PIK3C2A: variants seen among roughly 807,000 people sequenced by gnomAD.
The protein encoded by PIK3C2A is phosphatidylinositol 4-phosphate 3-kinase C2 domain-containing subunit alpha.
PIK3C2A carries 97 observed loss-of-function variants against 204.5 expected under a neutral mutation model. That is an observed-to-expected ratio of 0.47 (90% CI 0.40 to 0.56). The LOEUF (loss-of-function observed/expected upper bound fraction) is 0.56, where lower values mean the gene tolerates loss of function less well. PIK3C2A is among the 20% of genes least tolerant of loss of function. The probability of loss-of-function intolerance (pLI) is 0.00; values close to 1 mark genes in which losing one functional copy is unlikely to be tolerated. For synonymous variants in PIK3C2A, 653 were observed against 664.4 expected (o/e 0.98, Z 0.26); for missense variants, 1,735 against 1,969.2 (o/e 0.88, Z 2.25).
chr11:17,107,472 A>T (rs1446476987), intron 22 of PIK3C2A, among the ~76,000 whole-genome samples: 1 of 152,236 alleles, frequency 6.6e-6, no homozygotes, highest in Non-Finnish European at 1.5e-5. Context: ...GTGTTTGAAA[A>T]GAAGGATGGT....
At chr11:17,102,577 G>C in intron 24 of PIK3C2A, 85 bp downstream of exon 24, 1 of 1,090,230 alleles carries the variant, frequency 9.2e-7, no homozygotes, top group South Asian at 1.6e-5. Context: ...ATGGAGCCGC[G>C]AGGCAAAACA....
chr11:17,097,541 T>C (rs1271574237), intron 26 of PIK3C2A, among the ~76,000 whole-genome samples: 1 of 152,328 alleles, frequency 6.6e-6, no homozygotes, highest in African/African-American at 2.4e-5. Flanking sequence ...AGATGATGAT[T>C]GGTATAATGC....
intron 1 of PIK3C2A, among the ~76,000 whole-genome samples, chr11:17,192,685 G>A (rs1851983174): frequency 6.6e-6 from 1 of 152,196 alleles, no homozygotes; most frequent in African/African-American, 2.4e-5. Context: ...GATCTCAAGT[G>A]ATCTGCCCTC....
intron 1 of PIK3C2A, among the ~76,000 whole-genome samples, chr11:17,172,650 T>G (rs1851216243): frequency 6.6e-6 from 1 of 152,256 alleles, no homozygotes. Flanking sequence ...CTGTTTTAAC[T>G]TCCACCACCA....
rs147224842 is a variant in PIK3C2A at position 17,095,153 on chromosome 11, G to A, written c.4327-768C>T. ...AGCCCCAGCTACTTGGGAAGCTAAG[G>A]TGGGAGGATCAACTCAGCCCAGGTG... On this transcript the variant is annotated intron_variant, in intron 27 of 32. Transcript: ENST00000691414. 7.2e-5 allele frequency among the ~76,000 whole-genome samples: 11 copies of A among 152,242 alleles called. No individual in the cohort carries two copies. The South Asian group carries it at 1.2e-3, about 17-fold the overall frequency.
chr11:17,179,942 C>G (rs1851478112), intron 1 of PIK3C2A, among the ~76,000 whole-genome samples: 1 of 152,104 alleles, frequency 6.6e-6, no homozygotes, highest in Non-Finnish European at 1.5e-5. Context: ...ATCATGAAAA[C>G]AAGACAACAT....
intron 22 of PIK3C2A, among the ~76,000 whole-genome samples, chr11:17,107,870 T>C (rs890794589): frequency 1.4e-5 from 2 of 144,024 alleles, no homozygotes; most frequent in Non-Finnish European, 3.1e-5. Flanking sequence ...ATTTGGCTCC[T>C]TTTTTTCTGG....
intron 8 of PIK3C2A, among the ~76,000 whole-genome samples, chr11:17,145,443 T>C (rs1175813101): frequency 6.6e-6 from 1 of 152,160 alleles, no homozygotes; most frequent in Admixed American, 6.6e-5. Context: ...CATTCTCTCT[T>C]GCTGCCCTAT....
intron 22 of PIK3C2A, among the ~76,000 whole-genome samples, chr11:17,106,989 A>C (rs1848841605): frequency 1.3e-5 from 2 of 152,120 alleles, no homozygotes; most frequent in African/African-American, 4.8e-5. Context: ...TGGCTGAACA[A>C]ATTGTTTTTT....
chr11:17,180,500 A>AC (rs1555035595), intron 1 of PIK3C2A, among the ~76,000 whole-genome samples: 1 of 150,180 alleles, frequency 6.7e-6, no homozygotes, highest in Non-Finnish European at 1.5e-5. Flanking sequence ...CTAGAAAACA[A>AC]AACAACAACA....
At chr11:17,168,352 C>T (rs1035275615) in intron 2 of PIK3C2A, among the ~76,000 whole-genome samples, 2 of 152,186 alleles carry the variant, frequency 1.3e-5, no homozygotes, top group Admixed American at 6.5e-5. Context: ...GAGGCTGAGA[C>T]GGGTGGATCA....
chr11:17,190,273 G>C (rs1053492444), intron 1 of PIK3C2A, among the ~76,000 whole-genome samples: 9 of 147,830 alleles, frequency 6.1e-5, no homozygotes, highest in Admixed American at 5.4e-4. Context: ...AAAAAAAATA[G>C]TAACTTTAAA....
intron 3 of PIK3C2A, among the ~76,000 whole-genome samples, chr11:17,153,726 C>T (rs1391777957): frequency 6.6e-6 from 1 of 152,126 alleles, no homozygotes; most frequent in Non-Finnish European, 1.5e-5. Context: ...AAATATCATT[C>T]TGACAGCCTG....
At position 17,193,873 on chromosome 11, in the gene PIK3C2A, A is replaced by AAAAGAAAAGAAAAGAAAAGG. The variant is rs1565305811; in HGVS notation, c.-66+13974_-66+13975insCCTTTTCTTTTCTTTTCTTT. The AAAAGAAAAGAAAAGAAAAGG allele has an allele frequency of 6.2e-4, 69 of 111,428 alleles. 10 individuals are homozygous for AAAAGAAAAGAAAAGAAAAGG. The highest frequency in any genetic ancestry group is 5.8e-3 in the Admixed American group (46 of 7,932). 6.9% of individuals were successfully genotyped at this position (111,428 alleles called of 1,614,324 possible). A position where few individuals can be genotyped will look rare whatever the true frequency, so the allele number is the denominator to read the frequency against. On this transcript the variant is annotated intron_variant, in intron 1 of 32. Transcript: ENST00000691414. The stretch of plus-strand genomic sequence containing the variant: ...AAAAGAAAAGAAAAGAAAAGAAAAG[A>AAAAGAAAAGAAAAGAAAAGG]AAAGAAAAGAAAAGAAAAGAAAAGA...
Position 17,136,622 on chromosome 11 carries a change from G to A in PIK3C2A, c.1708C>T (p.Gln570Ter). Residue 570 changes from glutamine (Q) to a stop codon, truncating the protein, a stop_gained, in exon 9 of 33, where the codon CAA (glutamine) becomes TAA (stop). Transcript: ENST00000691414. LOFTEE classifies it high-confidence loss of function. ...ATTACTTGATCTACTGCTCGGTGTT[G>A]GTTCTTTAAAAATAAAAAATAAAAT... ...QVELALQIENQHRAVDQVIKA... is the reference protein window; with the variant it reads ...QVELALQIEN 1 of 1,530,118 alleles carries A rather than the reference G, an allele frequency of 6.5e-7. No individual in the cohort carries two copies. Among genetic ancestry groups the A allele is most frequent in the East Asian group, 2.3e-5 (1 of 43,816 alleles). The allele number at this position is 1,530,118 out of a possible 1,614,324, so 94.8% of individuals were successfully genotyped here.
chr11:17,173,398 C>T (rs1189339265), intron 1 of PIK3C2A, among the ~76,000 whole-genome samples: 3 of 152,196 alleles, frequency 2.0e-5, no homozygotes, highest in Non-Finnish European at 4.4e-5. Flanking sequence ...TTACTAAACT[C>T]AGATATAAGC....
intron 1 of PIK3C2A, among the ~76,000 whole-genome samples, chr11:17,176,522 T>A (rs1590998564): frequency 6.6e-6 from 1 of 151,802 alleles, no homozygotes; most frequent in Non-Finnish European, 1.5e-5. Context: ...AGCTCAGGCC[T>A]ATGATCCCAG....
At chr11:17,121,565 CT>C (rs1174662159) in intron 15 of PIK3C2A, among the ~76,000 whole-genome samples, 1 of 152,168 alleles carries the variant, frequency 6.6e-6, no homozygotes, top group African/African-American at 2.4e-5. Flanking sequence ...CCAAATTGCT[CT>C]CCAAAGGAGA....
At chr11:17,119,159 C>T in intron 17 of PIK3C2A, 61 bp downstream of exon 17, 1 of 939,998 alleles carries the variant, frequency 1.1e-6, no homozygotes, top group Non-Finnish European at 1.7e-6. Flanking sequence ...GATCCCTTAG[C>T]AAGTTCCCAT....
Sources: gnomAD v4.1 joint callset for allele counts (sites outside exome capture counted in the v4.1 genomes callset) on GRCh38, gnomAD v4.1.1 for gene constraint, MANE v1.5 for transcripts, NCBI Gene and HGNC (gene_info 2026-07-23, HGNC 2026-07-21) for gene names.